C2orf76: variants seen among roughly 807,000 people sequenced by gnomAD.
C2orf76 encodes the protein UPF0538 protein C2orf76.
A neutral mutation model predicts 16.9 loss-of-function variants in C2orf76; 23 were observed. The observed-to-expected ratio is 1.36, with a 90% confidence interval of 0.98 to 1.93. C2orf76 has a LOEUF of 1.93. C2orf76 is among the 30% of genes most tolerant of loss of function. The pLI, the probability that C2orf76 is intolerant of heterozygous loss-of-function variation, is 0.00. For missense variants in C2orf76, 152 were observed against 152.6 expected, an observed-to-expected ratio of 1.00 and a Z score of 0.02; for synonymous variants, 48 against 52.3, an observed-to-expected ratio of 0.92 and a Z score of 0.35.
chr2:119,301,105 A>ACAC (rs1553444732), downstream of C2orf76, among the ~76,000 whole-genome samples: 13 of 135,828 alleles, frequency 9.6e-5, 1 homozygote, highest in South Asian at 4.7e-4. Context: ...ACACACACAC[A>ACAC]ACTAATTTCT....
intron 1 of C2orf76, among the ~76,000 whole-genome samples, chr2:119,344,748 A>G (rs1480837668): frequency 1.3e-5 from 2 of 152,210 alleles, no homozygotes; most frequent in East Asian, 1.9e-4. Flanking sequence ...TCATAATTTT[A>G]CAAAATCCAA....
chr2:119,349,596 T>C (rs1332884725), intron 1 of C2orf76, among the ~76,000 whole-genome samples: 1 of 152,116 alleles, frequency 6.6e-6, no homozygotes, highest in Non-Finnish European at 1.5e-5. Context: ...CACCACGCTG[T>C]TGCCAAGCCT....
At chr2:119,295,988 A>G in the C2orf76 span, among the ~76,000 whole-genome samples, 1 of 152,228 alleles carries the variant, frequency 6.6e-6, no homozygotes, top group South Asian at 2.1e-4. Flanking sequence ...AAAGGCCATT[A>G]TCGAAACTCT....
intron 5 of C2orf76, among the ~76,000 whole-genome samples, chr2:119,303,646 T>A (rs1459996010): frequency 6.6e-6 from 1 of 152,204 alleles, no homozygotes; most frequent in African/African-American, 2.4e-5. Context: ...ATAATGAAAT[T>A]AATGAGATTA....
chr2:119,322,507 CG>C lies in C2orf76; in HGVS notation c.134-1304del, dbSNP rs534670918. On this transcript the variant is annotated intron_variant, in intron 2 of 5. Transcript: ENST00000334816. ...ACAGGCATGAGCTACTATGCCCAGC[CG>C]GAAATTTATTATCATAGAACTATAC... is the stretch of plus-strand genomic sequence containing the variant. Among the ~76,000 whole-genome samples the C allele has an allele frequency of 7.9e-5, 12 of 152,092 alleles. No homozygotes were observed. The East Asian group carries it at 2.1e-3, about 27-fold the overall frequency.
intron 4 of C2orf76, 28 bp downstream of exon 4, chr2:119,317,438 T>C (rs763789891): frequency 1.3e-6 from 2 of 1,534,394 alleles, no homozygotes; most frequent in South Asian, 2.4e-5. Context: ...ACTTGCTATG[T>C]GCCAGATACT....
Position 119,317,452 on chromosome 2 carries a change from C to T in C2orf76, c.222+14G>A. The T allele has an allele frequency of 1.3e-6, 2 of 1,587,308 alleles. No individual in the cohort carries two copies. The highest frequency in any genetic ancestry group is 1.7e-6 in the Non-Finnish European group (2 of 1,162,954). ...TACTTGCTATGTGCCAGATACTGTA[C>T]CTGTGGAACATACCTTTGATTTATG... On this transcript the variant is annotated intron_variant, in intron 4 of 5. Coordinates refer to ENST00000334816, the MANE Select transcript of C2orf76 (RefSeq NM_001322331.2).
At chr2:119,295,129 T>C in the C2orf76 span, among the ~76,000 whole-genome samples, 438 of 152,234 alleles carry the variant, frequency 2.9e-3, 3 homozygotes, top group Non-Finnish European at 3.5e-3. Flanking sequence ...AGGAGGTGGC[T>C]GAGACAGAGA....
chr2:119,336,057 G>A (rs752383036), intron 2 of C2orf76, among the ~76,000 whole-genome samples: 1 of 152,104 alleles, frequency 6.6e-6, no homozygotes, highest in Non-Finnish European at 1.5e-5. Context: ...ATCTATAGAT[G>A]GTAATATATT....
chr2:119,359,479 C>T (rs145192278), intron 1 of C2orf76, among the ~76,000 whole-genome samples: 38 of 152,226 alleles, frequency 2.5e-4, no homozygotes, highest in African/African-American at 7.5e-4. Flanking sequence ...CAAAATAATA[C>T]GAAAACCTTC....
chr2:119,325,384 C>G (rs368355204), intron 2 of C2orf76, among the ~76,000 whole-genome samples: 134 of 144,426 alleles, frequency 9.3e-4, no homozygotes, highest in African/African-American at 3.4e-3. Flanking sequence ...CGCTTGAACC[C>G]AGGAGGCAGC....
chr2:119,295,233 C>G, the C2orf76 span, among the ~76,000 whole-genome samples: 3 of 152,050 alleles, frequency 2.0e-5, no homozygotes, highest in Non-Finnish European at 2.9e-5. Context: ...CGAGAGATAG[C>G]TGCGGTCAGC....
intron 1 of C2orf76, among the ~76,000 whole-genome samples, chr2:119,360,804 A>AAG (rs1218640418): frequency 6.6e-6 from 1 of 152,244 alleles, no homozygotes; most frequent in African/African-American, 2.4e-5. Flanking sequence ...AGGGATAAAA[A>AAG]AGAACAAAAC....
rs535110410 is a variant in C2orf76 at position 119,320,587 on chromosome 2, C to CA, written c.184+566dup. Among the ~76,000 whole-genome samples the CA allele has an allele frequency of 7.4e-3, 1,109 of 150,362 alleles. 4 individuals are homozygous for CA. The highest frequency in any genetic ancestry group is 0.011 in the Non-Finnish European group (755 of 67,506). ...ATGAGAACAGAATGAAAAGCCACTC[C>CA]AAAAAAAAATCTAAGGTAATAAAAA... On this transcript the variant is annotated intron_variant, in intron 3 of 5. Coordinates refer to ENST00000334816, the MANE Select transcript of C2orf76 (RefSeq NM_001322331.2).
At chr2:119,288,116 A>G in the C2orf76 span, among the ~76,000 whole-genome samples, 1 of 151,382 alleles carries the variant, frequency 6.6e-6, no homozygotes, top group Non-Finnish European at 1.5e-5. Context: ...AGAACTGCAT[A>G]TCTAAGATCT....
upstream of C2orf76, chr2:119,366,995 G>A (rs910005353): frequency 1.9e-6 from 3 of 1,611,054 alleles, no homozygotes; most frequent in South Asian, 3.3e-5. Context: ...CTGGGCGATC[G>A]CTTCCTGGTC....
chr2:119,359,393 A>C (rs1680672558), intron 1 of C2orf76, among the ~76,000 whole-genome samples: 1 of 152,168 alleles, frequency 6.6e-6, no homozygotes, highest in South Asian at 2.1e-4. Flanking sequence ...TTCAACTTTC[A>C]TGTCTTATTA....
chr2:119,349,603 G>C (rs1327275320), intron 1 of C2orf76, among the ~76,000 whole-genome samples: 5 of 152,102 alleles, frequency 3.3e-5, no homozygotes, highest in Non-Finnish European at 5.9e-5. Flanking sequence ...CTGTTGCCAA[G>C]CCTCTACCAC....
At chr2:119,355,576 G>A (rs562787968) in intron 1 of C2orf76, among the ~76,000 whole-genome samples, 2 of 152,270 alleles carry the variant, frequency 1.3e-5, no homozygotes, top group South Asian at 4.1e-4. Context: ...CTATAGGGAG[G>A]AGGAATGGAA....
Sources: gnomAD v4.1 joint callset for allele counts (sites outside exome capture counted in the v4.1 genomes callset) on GRCh38, gnomAD v4.1.1 for gene constraint, MANE v1.5 for transcripts, NCBI Gene and HGNC (gene_info 2026-07-23, HGNC 2026-07-21) for gene names.